Variants in ANKRD30B observed in about 807,000 individuals in gnomAD.
ANKRD30B encodes ankyrin repeat domain-containing protein 30B.
Under a neutral mutation model 202.2 loss-of-function variants are expected in ANKRD30B, and 144 were observed. That is an observed-to-expected ratio of 0.71 (90% CI 0.62 to 0.82). The LOEUF (loss-of-function observed/expected upper bound fraction) is 0.82. Ranked by LOEUF, ANKRD30B falls within the 40% of genes least tolerant of loss-of-function variation. ANKRD30B has a pLI of 0.00. For synonymous variants in ANKRD30B, 508 were observed against 561.3 expected, an observed-to-expected ratio of 0.91 and a Z score of 1.34; for missense variants, 1,487 against 1,669.1, an observed-to-expected ratio of 0.89 and a Z score of 1.90.
intron 36 of ANKRD30B, among the ~76,000 whole-genome samples, chr18:14,838,826 A>G (rs1471934172): frequency 6.6e-6 from 1 of 152,242 alleles, no homozygotes; most frequent in Non-Finnish European, 1.5e-5. Flanking sequence ...TCTTAGTTGC[A>G]TGTGATGAAA....
rs1358319838 is a variant in ANKRD30B, at chr18:14,748,270, G to A, written c.-150G>A. The A allele has an allele frequency of 1.2e-5, 7 of 588,824 alleles. No homozygotes were observed. The highest frequency in any genetic ancestry group is 1.9e-5 in the African/African-American group (1 of 53,308). 36.5% of individuals were successfully genotyped at this position (588,824 alleles called of 1,614,324 possible). A position where few individuals can be genotyped will look rare whatever the true frequency, so the allele number is the denominator to read the frequency against. On this transcript the variant is annotated 5_prime_UTR_variant, in exon 1 of 44. Coordinates refer to ENST00000690538, the MANE Select transcript of ANKRD30B (RefSeq NM_001367607.2). ...GCTTGGCGATACAGAAATTTCTGCT[G>A]GTGTTGGGGCGGGTGCGGGAACTGA...
At chr18:14,888,052 A>C in the ANKRD30B span, among the ~76,000 whole-genome samples, 2 of 152,130 alleles carry the variant, frequency 1.3e-5, no homozygotes, top group East Asian at 3.8e-4. Context: ...TACCTTTTCC[A>C]CTTGAGCAGC....
intron 34 of ANKRD30B, among the ~76,000 whole-genome samples, chr18:14,833,055 G>A (rs1294713660): frequency 1.3e-5 from 2 of 151,610 alleles, no homozygotes; most frequent in Non-Finnish European, 2.9e-5. Context: ...TCCTGCGTCA[G>A]CCTCCTGTGT....
chr18:14,899,578 C>T, the ANKRD30B span, among the ~76,000 whole-genome samples: 1 of 151,864 alleles, frequency 6.6e-6, no homozygotes, highest in Non-Finnish European at 1.5e-5. Flanking sequence ...GTCATTATAC[C>T]CCTCCAAAAC....
chr18:14,927,699 C>T, the ANKRD30B span, among the ~76,000 whole-genome samples: 4 of 152,180 alleles, frequency 2.6e-5, no homozygotes, highest in Non-Finnish European at 5.9e-5. Context: ...AGCAATTCCC[C>T]ATAAACTCCA....
At chr18:14,785,584 C>G (rs1458576008) in intron 14 of ANKRD30B, among the ~76,000 whole-genome samples, 2 of 152,158 alleles carry the variant, frequency 1.3e-5, no homozygotes, top group Non-Finnish European at 2.9e-5. Flanking sequence ...ATACATTCCA[C>G]TAAGAATTTG....
downstream of ANKRD30B, among the ~76,000 whole-genome samples, chr18:14,858,849 C>T: frequency 9.5e-6 from 1 of 105,522 alleles, no homozygotes; most frequent in South Asian, 3.0e-4. Context: ...GGTGGCCAGG[C>T]AGAGGCACTC....
intron 30 of ANKRD30B, 138 bp from the exon 31 acceptor site, chr18:14,822,345 C>A: frequency 1.6e-6 from 1 of 612,570 alleles, no homozygotes. Flanking sequence ...ACACAATAAC[C>A]CAAAAGACCC....
the ANKRD30B span, among the ~76,000 whole-genome samples, chr18:14,896,193 G>GTGA: frequency 6.6e-6 from 1 of 151,234 alleles, no homozygotes; most frequent in Non-Finnish European, 1.5e-5. Flanking sequence ...GTGCAGTGGC[G>GTGA]TGATCTCGGT....
intron 3 of ANKRD30B, among the ~76,000 whole-genome samples, chr18:14,753,442 TC>T (rs1913798521): frequency 6.6e-6 from 1 of 152,122 alleles, no homozygotes; most frequent in Non-Finnish European, 1.5e-5. Context: ...AAGAGAACGT[TC>T]TAGCTTTACA....
In ANKRD30B at chr18:14,763,682, G is replaced by A. The variant is rs770162438; in HGVS notation, c.821-4G>A. 1.5e-5 allele frequency: 25 copies of A among 1,613,222 alleles called. No homozygotes were observed. The highest frequency in any genetic ancestry group is 3.3e-5 in the Admixed American group (2 of 59,858). On this transcript the variant is annotated splice_region_variant and splice_polypyrimidine_tract_variant and intron_variant, in intron 6 of 43. Coordinates refer to ENST00000690538, the MANE Select transcript of ANKRD30B (RefSeq NM_001367607.2). ...AAAATTTAACCAGATTGTGTGTTTG[G>A]CAGAAGGAACATCTACAGGAACACC...
At chr18:14,875,556 G>A in the ANKRD30B span, among the ~76,000 whole-genome samples, 6 of 152,114 alleles carry the variant, frequency 3.9e-5, no homozygotes, top group African/African-American at 1.4e-4. Context: ...GAGAGGAGGA[G>A]GAGCCCCTGG....
chr18:14,798,516 A>G (rs1969079346), intron 20 of ANKRD30B, among the ~76,000 whole-genome samples: 1 of 152,180 alleles, frequency 6.6e-6, no homozygotes, highest in South Asian at 2.1e-4. Context: ...TAGAAACAGG[A>G]TGTGAAGCTA....
chr18:14,870,809 C>T, the ANKRD30B span, among the ~76,000 whole-genome samples: 1 of 152,108 alleles, frequency 6.6e-6, no homozygotes, highest in Non-Finnish European at 1.5e-5. Flanking sequence ...TTCCCTTGGC[C>T]CCTGCTCTGG....
chr18:14,784,219 A>C, intron 12 of ANKRD30B, 117 bp from the exon 13 acceptor site: 2 of 1,048,174 alleles, frequency 1.9e-6, no homozygotes, highest in South Asian at 2.8e-5. Flanking sequence ...TCCCAAATCT[A>C]AACTATTCAT....
chr18:14,863,366 G>C, the ANKRD30B span, among the ~76,000 whole-genome samples: 1 of 152,050 alleles, frequency 6.6e-6, no homozygotes, highest in African/African-American at 2.4e-5. Flanking sequence ...CATGAGAGCT[G>C]GTTGTTTAAA....
chr18:14,858,599 T>A (rs1352281853), downstream of ANKRD30B, among the ~76,000 whole-genome samples: 3 of 95,098 alleles, frequency 3.2e-5, no homozygotes, highest in Non-Finnish European at 6.3e-5. Context: ...GTGCTCCTCA[T>A]TTCCCAGATG....
At chr18:14,821,495 T>C (rs1283303042) in intron 30 of ANKRD30B, among the ~76,000 whole-genome samples, 1 of 152,172 alleles carries the variant, frequency 6.6e-6, no homozygotes, top group Non-Finnish European at 1.5e-5. Context: ...TCTCACTCTG[T>C]CATCCAGGCT....
the ANKRD30B span, among the ~76,000 whole-genome samples, chr18:14,929,454 G>A: frequency 2.6e-5 from 4 of 152,062 alleles, no homozygotes; most frequent in Admixed American, 6.5e-5. Context: ...AGTGATAGGC[G>A]CTTGTGTCCC....
Sources: gnomAD v4.1 joint callset for allele counts (sites outside exome capture counted in the v4.1 genomes callset) on GRCh38, gnomAD v4.1.1 for gene constraint, MANE v1.5 for transcripts, NCBI Gene and HGNC (gene_info 2026-07-23, HGNC 2026-07-21) for gene names.